The following TNFSF8 variants were observed in gnomAD, a reference collection of about 807,000 sequenced individuals.
TNFSF8 encodes the protein tumor necrosis factor ligand superfamily member 8.
In TNFSF8, 4 loss-of-function variants were observed where a neutral mutation model predicts 22.0. That is an observed-to-expected ratio of 0.18 (90% CI 0.09 to 0.42). The LOEUF (loss-of-function observed/expected upper bound fraction) is 0.42, where lower values mean the gene tolerates loss of function less well. TNFSF8 is among the 10% of genes least tolerant of loss of function. The probability of loss-of-function intolerance (pLI) is 1.00; values close to 1 mark genes in which losing one functional copy is unlikely to be tolerated. For missense variants in TNFSF8, 233 were observed against 281.8 expected (o/e 0.83, Z 1.24); for synonymous variants, 106 against 112.5 (o/e 0.94, Z 0.37).
At chr9:114,928,600 C>G (rs1371305312) in intron 1 of TNFSF8, among the ~76,000 whole-genome samples, 1 of 152,130 alleles carries the variant, frequency 6.6e-6, no homozygotes, top group African/African-American at 2.4e-5. Flanking sequence ...AATTTCTTTT[C>G]TTTGGCCATT....
chr9:114,902,852 A>G lies in TNFSF8; in HGVS notation c.*1079T>C. 1 of 743,290 alleles carries G rather than the reference A, an allele frequency of 1.3e-6. No homozygotes were observed. Among genetic ancestry groups the G allele is most frequent in the Non-Finnish European group, 1.6e-6 (1 of 608,886 alleles). The allele number at this position is 743,290 out of a possible 1,614,324, so 46.0% of individuals were successfully genotyped here. ...GGAGGGGAAGGTATAGTGAATTCTT[A>G]TAATTTTATGTTGCCTTGGCAACCA... On this transcript the variant is annotated 3_prime_UTR_variant, in exon 4 of 4. Transcript: ENST00000223795.
At chr9:114,929,969 T>TAG in intron 1 of TNFSF8, 140 bp downstream of exon 1, 1 of 291,454 alleles carries the variant, frequency 3.4e-6, no homozygotes, top group Non-Finnish European at 6.1e-6. Context: ...ATAGTATATA[T>TAG]ATATATATAG....
rs1169718457 is a variant in TNFSF8, at chr9:114,901,214, A to G, written c.*2717T>C. The G allele has an allele frequency of 2.0e-6, 2 of 985,344 alleles. No individual in the cohort carries two copies. The highest frequency in any genetic ancestry group is 1.2e-6 in the Non-Finnish European group (1 of 829,942). The allele number at this position is 985,344 out of a possible 1,614,324, so 61.0% of individuals were successfully genotyped here. Reference sequence around the variant, plus strand: ...TTTACTCATGGAGTATCATTTGCTCATAACATTCCCAGGGGCTGGTTAACC... The same window carrying G: ...TTTACTCATGGAGTATCATTTGCTCGTAACATTCCCAGGGGCTGGTTAACC... On this transcript the variant is annotated 3_prime_UTR_variant, in exon 4 of 4. Coordinates refer to ENST00000223795, the MANE Select transcript of TNFSF8 (RefSeq NM_001244.4).
At chr9:114,917,143 G>A (rs1217109341) in intron 2 of TNFSF8, among the ~76,000 whole-genome samples, 2 of 152,210 alleles carry the variant, frequency 1.3e-5, no homozygotes, top group Non-Finnish European at 2.9e-5. Context: ...GTGAGGAGCT[G>A]TGTCCAGTCA....
At chr9:114,912,796 T>A (rs1300145636) in intron 2 of TNFSF8, among the ~76,000 whole-genome samples, 1 of 152,226 alleles carries the variant, frequency 6.6e-6, no homozygotes, top group African/African-American at 2.4e-5. Flanking sequence ...GGTGCAGCTT[T>A]TATTGTTTCT....
intron 1 of TNFSF8, among the ~76,000 whole-genome samples, chr9:114,923,478 T>TTCTCTTTC (rs376484064): frequency 6.1e-4 from 64 of 105,682 alleles, no homozygotes; most frequent in Non-Finnish European, 9.6e-4. Flanking sequence ...TTTTCTTTCT[T>TTCTCTTTC]TTTCTTTCTT....
Position 114,918,114 on chromosome 9 carries a change from T to A in TNFSF8, c.220A>T (p.Asn74Tyr), listed in dbSNP as rs769675763. The part of the protein sequence containing the change: ...RTDSIPNSPD[N>Y]VPLKGGNCSE... ...ATCTTACCTCCTTTGAGGGGGACGT[T>A]GTCAGGTGAGTTGGGAATGGAGTCC... is the stretch of plus-strand genomic sequence containing the variant. The change falls in exon 2 of 4, where the codon AAC becomes TAC. Residue 74 changes from asparagine to tyrosine, a missense_variant. By Grantham distance (143) the Asn-to-Tyr change is moderately radical. Transcript: ENST00000223795. 6 of 1,608,608 alleles carry A rather than the reference T, an allele frequency of 3.7e-6. No individual in the cohort carries two copies. The highest frequency in any genetic ancestry group is 1.3e-5 in the African/African-American group (1 of 74,752).
At chr9:114,910,625 T>A (rs1827841118) in intron 2 of TNFSF8, among the ~76,000 whole-genome samples, 1 of 152,184 alleles carries the variant, frequency 6.6e-6, no homozygotes, top group East Asian at 1.9e-4. Context: ...CAAGCACTAA[T>A]GAGCTCCTGG....
chr9:114,916,522 A>G (rs1018817161), intron 2 of TNFSF8, among the ~76,000 whole-genome samples: 2 of 152,166 alleles, frequency 1.3e-5, no homozygotes, highest in Non-Finnish European at 1.5e-5. Context: ...TCTTCCTTGG[A>G]AAGTCTGGGT....
At chr9:114,912,623 T>C (rs1827866114) in intron 2 of TNFSF8, among the ~76,000 whole-genome samples, 1 of 152,230 alleles carries the variant, frequency 6.6e-6, no homozygotes, top group South Asian at 2.1e-4. Flanking sequence ...TCTCTTGACC[T>C]TGTGATCCAC....
At position 114,930,253 on chromosome 9, in the gene TNFSF8, G is replaced by C; in HGVS notation, c.51C>G (p.Asp17Glu). ...AGCCCGCCGGCACATGCATGGCTGT[G>C]TCTCCAGGAGGGGCCATTCCGTTGA... ...QALNGMAPPG[D>E]TAMHVPAGSV... Residue 17 changes from aspartate (D) to glutamate (E), a missense_variant, in exon 1 of 4, where the codon GAC becomes GAG. By Grantham distance (45) the Asp-to-Glu change is conservative (BLOSUM62 2). Coordinates refer to ENST00000223795, the MANE Select transcript of TNFSF8 (RefSeq NM_001244.4). 2 of 1,604,314 alleles carry C rather than the reference G, an allele frequency of 1.2e-6. No homozygotes were observed. Among genetic ancestry groups the C allele is most frequent in the Non-Finnish European group, 1.7e-6 (2 of 1,175,464 alleles).
chr9:114,902,511 G>C lies in TNFSF8; in HGVS notation c.*1420C>G, dbSNP rs1827729992. On this transcript the variant is annotated 3_prime_UTR_variant, in exon 4 of 4. Coordinates refer to ENST00000223795, the MANE Select transcript of TNFSF8 (RefSeq NM_001244.4). ...CGTCAGATGGTTTCCCAAACACCCA[G>C]ATGGTCTCTTAGATTCTGGATGGTC... is the stretch of plus-strand genomic sequence containing the variant. 1 of 985,330 alleles carries C rather than the reference G, an allele frequency of 1.0e-6. No individual in the cohort carries two copies. The highest frequency in any genetic ancestry group is 1.2e-6 in the Non-Finnish European group (1 of 829,942). 61.0% of individuals were successfully genotyped at this position (985,330 alleles called of 1,614,324 possible).
chr9:114,920,816 C>T (rs1827978916), intron 1 of TNFSF8, among the ~76,000 whole-genome samples: 1 of 152,018 alleles, frequency 6.6e-6, no homozygotes, highest in South Asian at 2.1e-4. Flanking sequence ...CTACAGGGGC[C>T]CACCACCACC....
intron 4 of TNFSF8, chr9:114,894,280 C>T: frequency 1.2e-6 from 1 of 838,210 alleles, no homozygotes; most frequent in Non-Finnish European, 1.9e-6. Flanking sequence ...TACAATCATG[C>T]TGTCATAGTG....
chr9:114,901,031 CTGAG>C (rs1827710366), downstream of TNFSF8: 1 of 935,678 alleles, frequency 1.1e-6, no homozygotes, highest in African/African-American at 2.8e-5. Flanking sequence ...TGCAAGTACA[CTGAG>C]TGTGTGTGTG....
chr9:114,894,226 G>C, intron 4 of TNFSF8: 1 of 1,408,176 alleles, frequency 7.1e-7, no homozygotes, highest in South Asian at 1.2e-5. Flanking sequence ...ACATTTTGAC[G>C]TTGTTGTTAC....
At chr9:114,928,695 G>A (rs1427052639) in intron 1 of TNFSF8, among the ~76,000 whole-genome samples, 1 of 152,144 alleles carries the variant, frequency 6.6e-6, no homozygotes, top group Non-Finnish European at 1.5e-5. Context: ...ATGTCCTAAA[G>A]TGTTTTCAAG....
chr9:114,913,189 G>A (rs1337502048), intron 2 of TNFSF8, among the ~76,000 whole-genome samples: 2 of 152,140 alleles, frequency 1.3e-5, no homozygotes, highest in Non-Finnish European at 2.9e-5. Flanking sequence ...CTGAATTCAG[G>A]CGAGGGTGGA....
At chr9:114,926,977 A>G (rs1828069275) in intron 1 of TNFSF8, among the ~76,000 whole-genome samples, 1 of 145,262 alleles carries the variant, frequency 6.9e-6, no homozygotes, top group Non-Finnish European at 1.5e-5. Flanking sequence ...ATTATTTTAT[A>G]ATATAATATT....
Sources: gnomAD v4.1 joint callset for allele counts (sites outside exome capture counted in the v4.1 genomes callset) on GRCh38, gnomAD v4.1.1 for gene constraint, MANE v1.5 for transcripts, NCBI Gene and HGNC (gene_info 2026-07-23, HGNC 2026-07-21) for gene names.